Variants in MAGI1 observed in about 807,000 individuals in gnomAD.
MAGI1 encodes the protein membrane-associated guanylate kinase, WW and PDZ domain-containing protein 1.
Under a neutral mutation model 139.9 loss-of-function variants are expected in MAGI1, and 58 were observed. The observed-to-expected ratio is 0.41, with a 90% confidence interval of 0.34 to 0.52. MAGI1 has a LOEUF of 0.52. Ranked by LOEUF, MAGI1 falls within the 20% of genes least tolerant of loss-of-function variation. MAGI1 has a pLI of 0.12. For synonymous variants in MAGI1, 812 were observed against 737.9 expected (o/e 1.10, Z -1.63); for missense variants, 1,874 against 1,901.6 (o/e 0.99, Z 0.27).
intron 1 of MAGI1, among the ~76,000 whole-genome samples, chr3:65,717,743 CTTGAG>C (rs2032448589): frequency 6.6e-6 from 1 of 152,148 alleles, no homozygotes; most frequent in South Asian, 2.1e-4. Flanking sequence ...GGCAAAAGCC[CTTGAG>C]TTGATTCTGA....
intron 1 of MAGI1, among the ~76,000 whole-genome samples, chr3:65,704,295 G>A (rs2089810594): frequency 6.6e-6 from 1 of 152,158 alleles, no homozygotes; most frequent in African/African-American, 2.4e-5. Context: ...TTGTTTCCAA[G>A]CTTCAACTCA....
chr3:65,402,417 G>A (rs1325775736), intron 12 of MAGI1, among the ~76,000 whole-genome samples: 1 of 152,156 alleles, frequency 6.6e-6, no homozygotes, highest in Non-Finnish European at 1.5e-5. Flanking sequence ...TACCACCAGG[G>A]AAGGGTGCGA....
intron 1 of MAGI1, among the ~76,000 whole-genome samples, chr3:65,664,845 G>A (rs1317150215): frequency 6.6e-6 from 1 of 152,022 alleles, no homozygotes; most frequent in Admixed American, 6.6e-5. Context: ...ACATTTTTGT[G>A]CTTTTTGATG....
intron 1 of MAGI1, among the ~76,000 whole-genome samples, chr3:65,917,640 T>A (rs1465254839): frequency 6.6e-6 from 1 of 152,058 alleles, no homozygotes; most frequent in Non-Finnish European, 1.5e-5. Flanking sequence ...TGAAAACACA[T>A]GGAGGAAACT....
At chr3:65,923,167 C>T (rs550692371) in intron 1 of MAGI1, among the ~76,000 whole-genome samples, 132 of 151,898 alleles carry the variant, frequency 8.7e-4, no homozygotes, top group Middle Eastern at 6.8e-3. Flanking sequence ...CTATCCATTC[C>T]GTATGTATCC....
chr3:65,509,723 G>C (rs1371272592), intron 2 of MAGI1, among the ~76,000 whole-genome samples: 2 of 152,090 alleles, frequency 1.3e-5, no homozygotes, highest in Admixed American at 6.5e-5. Flanking sequence ...AACGAGGCTG[G>C]GGGAGGGGCG....
chr3:65,713,737 T>TA (rs1360743440), intron 1 of MAGI1, among the ~76,000 whole-genome samples: 2 of 152,214 alleles, frequency 1.3e-5, no homozygotes, highest in Non-Finnish European at 2.9e-5. Flanking sequence ...GTGTGCCTAC[T>TA]ACGTCACAGG....
intron 1 of MAGI1, among the ~76,000 whole-genome samples, chr3:66,019,205 G>C (rs1166050068): frequency 6.6e-6 from 1 of 152,182 alleles, no homozygotes; most frequent in Non-Finnish European, 1.5e-5. Context: ...CTCAGGAGAT[G>C]GTGAGTGAAT....
chr3:65,853,819 G>A (rs144159272), intron 1 of MAGI1, among the ~76,000 whole-genome samples: 7 of 152,210 alleles, frequency 4.6e-5, no homozygotes, highest in Admixed American at 1.3e-4. Flanking sequence ...GAAGTGCCCC[G>A]ACAGGCCAGG....
chr3:65,897,668 A>G (rs192991464), intron 1 of MAGI1, among the ~76,000 whole-genome samples: 19 of 152,018 alleles, frequency 1.2e-4, no homozygotes, highest in African/African-American at 4.6e-4. Flanking sequence ...AACAACAACA[A>G]CAACAACAAA....
At chr3:65,645,955 G>A (rs1309035541) in intron 1 of MAGI1, among the ~76,000 whole-genome samples, 1 of 151,496 alleles carries the variant, frequency 6.6e-6, no homozygotes, top group African/African-American at 2.4e-5. Flanking sequence ...GCTAATAAAT[G>A]CTCAACCCAC....
At chr3:65,956,291 G>A (rs1270262966) in intron 1 of MAGI1, among the ~76,000 whole-genome samples, 1 of 152,098 alleles carries the variant, frequency 6.6e-6, no homozygotes, top group African/African-American at 2.4e-5. Flanking sequence ...ATACCAACTC[G>A]GTGAGGAATT....
chr3:65,745,666 T>C (rs1209586877), intron 1 of MAGI1, among the ~76,000 whole-genome samples: 3 of 152,210 alleles, frequency 2.0e-5, no homozygotes, highest in South Asian at 2.1e-4. Context: ...TTAAGACATA[T>C]GTTTAATCAA....
At chr3:65,374,917 C>A (rs1942354176) in intron 18 of MAGI1, among the ~76,000 whole-genome samples, 1 of 152,162 alleles carries the variant, frequency 6.6e-6, no homozygotes, top group South Asian at 2.1e-4. Flanking sequence ...TTTCTTCATT[C>A]ACATCCAAAA....
chr3:65,691,499 T>C (rs555563925), intron 1 of MAGI1, among the ~76,000 whole-genome samples: 3 of 152,192 alleles, frequency 2.0e-5, no homozygotes, highest in Admixed American at 1.3e-4. Context: ...CTGTTTTCCT[T>C]CTTTGACCAC....
At chr3:65,928,111 T>G (rs1447501320) in intron 1 of MAGI1, among the ~76,000 whole-genome samples, 1 of 152,178 alleles carries the variant, frequency 6.6e-6, no homozygotes, top group Non-Finnish European at 1.5e-5. Flanking sequence ...CCCCACTCCA[T>G]GAAGACAAGG....
At chr3:65,801,424 G>A (rs1000842896) in intron 1 of MAGI1, among the ~76,000 whole-genome samples, 8 of 152,156 alleles carry the variant, frequency 5.3e-5, no homozygotes, top group South Asian at 2.1e-4. Flanking sequence ...ATGTCCGGTC[G>A]CTTAAGTCTT....
chr3:65,496,208 A>AAT (rs1553653898), intron 2 of MAGI1, among the ~76,000 whole-genome samples: 1 of 146,840 alleles, frequency 6.8e-6, no homozygotes, highest in Non-Finnish European at 1.5e-5. Flanking sequence ...CACCCAGCTA[A>AAT]TTTTTTTTTT....
At chr3:65,965,792 C>G (rs970017278) in intron 1 of MAGI1, among the ~76,000 whole-genome samples, 12 of 152,094 alleles carry the variant, frequency 7.9e-5, no homozygotes, top group African/African-American at 2.9e-4. Flanking sequence ...TTCAGTCTGC[C>G]TAGTAGAATG....
Sources: allele counts gnomAD v4.1 joint callset (sites outside exome capture counted in the v4.1 genomes callset), GRCh38; gene constraint gnomAD v4.1.1; transcripts MANE v1.5; gene names NCBI Gene and HGNC (gene_info 2026-07-23, HGNC 2026-07-21).